TNPO3: variants seen among roughly 807,000 people sequenced by gnomAD.
TNPO3 encodes transportin-3.
Under a neutral mutation model 122.8 loss-of-function variants are expected in TNPO3, and 65 were observed. The observed-to-expected ratio is 0.53, with a 90% CI of 0.43 to 0.65. The LOEUF (loss-of-function observed/expected upper bound fraction) is 0.65. TNPO3 is among the 30% of genes least tolerant of loss of function. The pLI is 0.00. For missense variants in TNPO3, 850 were observed against 1,136.7 expected, an observed-to-expected ratio of 0.75 and a Z score of 3.63; for synonymous variants, 372 against 411.2, an observed-to-expected ratio of 0.90 and a Z score of 1.15.
At chr7:129,019,056 G>A (rs1804161096) in intron 1 of TNPO3, among the ~76,000 whole-genome samples, 1 of 152,144 alleles carries the variant, frequency 6.6e-6, no homozygotes, top group African/African-American at 2.4e-5. Context: ...ACTTGGCAAA[G>A]TGCTACACAT....
At chr7:128,963,734 G>A (rs954450462) in intron 21 of TNPO3, among the ~76,000 whole-genome samples, 2 of 152,330 alleles carry the variant, frequency 1.3e-5, no homozygotes, top group Non-Finnish European at 1.5e-5. Flanking sequence ...AGACATTCCA[G>A]AAGATGAGAA....
intron 1 of TNPO3, among the ~76,000 whole-genome samples, chr7:129,039,148 A>G (rs1437884652): frequency 6.6e-5 from 10 of 152,222 alleles, no homozygotes. Context: ...TCAAAAAGAC[A>G]GACAACAACA....
rs770975256 is a variant in TNPO3 at position 128,980,029 on chromosome 7, T to C, written c.1862A>G (p.His621Arg). Residue 621 changes from histidine (H) to arginine (R), a missense_variant and splice_region_variant, in exon 15 of 23, where the codon CAT (histidine) becomes CGT (arginine). By Grantham distance (29) the His-to-Arg change is conservative (BLOSUM62 0). Coordinates refer to ENST00000265388, the MANE Select transcript of TNPO3 (RefSeq NM_012470.4). ...FLDRLAVIFR[H>R]TNPIVENGQT... ...TCCATTTTCCACAATGGGATTGGTA[T>C]GCCTGGGAAAAGACAACAGCCCAAA... 1.2e-6 allele frequency: 2 copies of C among 1,614,096 alleles called. No homozygotes were observed. Among genetic ancestry groups the C allele is most frequent in the Non-Finnish European group, 1.7e-6 (2 of 1,179,966 alleles).
chr7:129,005,827 G>A (rs981884949), intron 4 of TNPO3, among the ~76,000 whole-genome samples: 1 of 148,614 alleles, frequency 6.7e-6, no homozygotes, highest in Non-Finnish European at 1.5e-5. Flanking sequence ...TGTTGCCCAG[G>A]CTGGAGTGCA....
At chr7:129,016,933 G>A (rs949833162) in intron 3 of TNPO3, 50 bp downstream of exon 3, 2 of 1,540,504 alleles carry the variant, frequency 1.3e-6, no homozygotes, top group Admixed American at 3.3e-5. Flanking sequence ...TCTCTGTGTA[G>A]GTTAATGGCA....
At chr7:128,963,472 G>A (rs1797659944) in intron 21 of TNPO3, among the ~76,000 whole-genome samples, 1 of 152,188 alleles carries the variant, frequency 6.6e-6, no homozygotes, top group African/African-American at 2.4e-5. Context: ...AAGATTCATA[G>A]TAAAAGCAAT....
At chr7:128,958,133 C>T (rs1294728903) in intron 21 of TNPO3, among the ~76,000 whole-genome samples, 2 of 121,096 alleles carry the variant, frequency 1.7e-5, no homozygotes, top group Non-Finnish European at 3.5e-5. Context: ...GAAGGAAGCA[C>T]TTCCTTTTTT....
chr7:128,961,860 C>T (rs1199669104), intron 21 of TNPO3, among the ~76,000 whole-genome samples: 1 of 152,112 alleles, frequency 6.6e-6, no homozygotes, highest in Admixed American at 6.5e-5. Context: ...ATCAATGCTT[C>T]CCATGTTCAA....
intron 14 of TNPO3, 113 bp downstream of exon 14, chr7:128,982,135 A>G: frequency 1.2e-6 from 1 of 855,396 alleles, no homozygotes; most frequent in East Asian, 2.8e-5. Flanking sequence ...ATTAGTCTCC[A>G]AACATAGGGA....
At chr7:128,991,949 C>A in intron 10 of TNPO3, 50 bp downstream of exon 10, 1 of 1,323,926 alleles carries the variant, frequency 7.6e-7, no homozygotes, top group Non-Finnish European at 1.1e-6. Flanking sequence ...TGTCATTTTC[C>A]TTCCTCTTGA....
rs1473366881 is a variant in TNPO3 at position 129,014,866 on chromosome 7, A to G, written c.552+113T>C. ...TAAGGTGTTACATAAATACCAAAGC[A>G]TCATCATTAAATTTTGCAAAGAAAG... On this transcript the variant is annotated intron_variant, in intron 4 of 22. Coordinates refer to ENST00000265388, the MANE Select transcript of TNPO3 (RefSeq NM_012470.4). The G allele has an allele frequency of 3.1e-5, 31 of 1,012,402 alleles. No individual in the cohort carries two copies. In the East Asian group the frequency reaches 6.7e-4, roughly 22 times the overall value. 62.7% of individuals were successfully genotyped at this position (1,012,402 alleles called of 1,614,324 possible).
At chr7:129,031,097 C>G (rs1584584822) in intron 1 of TNPO3, among the ~76,000 whole-genome samples, 1 of 152,090 alleles carries the variant, frequency 6.6e-6, no homozygotes, top group East Asian at 1.9e-4. Context: ...CCAGCCTGGC[C>G]AACACGTTGA....
At position 129,003,296 on chromosome 7, in the gene TNPO3, G is replaced by GTTTTTTTTTT. The variant is rs1299743179; in HGVS notation, c.696+1719_696+1720insAAAAAAAAAA. On this transcript the variant is annotated intron_variant, in intron 5 of 22. Coordinates refer to ENST00000265388, the MANE Select transcript of TNPO3 (RefSeq NM_012470.4). ...ATATATGAAGTATTTTAATTTTTAG[G>GTTTTTTTTTT]GTTTTTTTTTTTTTTTTTTTTTAAG... 9.3e-5 allele frequency among the ~76,000 whole-genome samples: 10 copies of GTTTTTTTTTT among 107,734 alleles called. 4 individuals carry two copies. The highest frequency in any genetic ancestry group is 1.1e-4 in the Non-Finnish European group (6 of 54,122). The allele number at this position is 107,734 out of a possible 152,430, so 70.7% of individuals were successfully genotyped here. A position where few individuals can be genotyped will look rare whatever the true frequency, so the allele number is the denominator to read the frequency against.
At chr7:128,987,703 C>A (rs1247555475) in intron 11 of TNPO3, among the ~76,000 whole-genome samples, 1 of 152,116 alleles carries the variant, frequency 6.6e-6, no homozygotes, top group Non-Finnish European at 1.5e-5. Flanking sequence ...GCCTTAGCCT[C>A]CTGAGTAGCT....
At chr7:128,968,133 G>C (rs1193842582) in intron 20 of TNPO3, among the ~76,000 whole-genome samples, 5 of 151,938 alleles carry the variant, frequency 3.3e-5, no homozygotes, top group Admixed American at 3.3e-4. Context: ...GAAAGAGCAG[G>C]GGCAAAAAGT....
intron 18 of TNPO3, among the ~76,000 whole-genome samples, chr7:128,973,735 CAAAAA>C (rs71162544): frequency 1.9e-4 from 1 of 5,270 alleles, no homozygotes; most frequent in Non-Finnish European, 2.8e-4. Context: ...GACTCCGTCT[CAAAAA>C]AAAAAAAAAA....
At chr7:128,996,612 G>A (rs1349878414) in intron 8 of TNPO3, among the ~76,000 whole-genome samples, 7 of 151,664 alleles carry the variant, frequency 4.6e-5, no homozygotes, top group Non-Finnish European at 1.0e-4. Flanking sequence ...GCATGGTGGC[G>A]GGTGCCTGTA....
chr7:128,975,100 G>A (rs1798922794), intron 17 of TNPO3, 138 bp from the exon 18 acceptor site: 2 of 669,822 alleles, frequency 3.0e-6, no homozygotes, highest in East Asian at 5.4e-5. Context: ...AGATTGTAAT[G>A]AGAATCTGAT....
chr7:129,054,485 TC>T (rs1809229542), intron 1 of TNPO3, among the ~76,000 whole-genome samples, 165 bp downstream of exon 1: 1 of 152,128 alleles, frequency 6.6e-6, no homozygotes, highest in African/African-American at 2.4e-5. Context: ...GCGACTAGTT[TC>T]CCAAAAGCGG....
Sources: gnomAD v4.1 joint callset for allele counts (sites outside exome capture counted in the v4.1 genomes callset) on GRCh38, gnomAD v4.1.1 for gene constraint, MANE v1.5 for transcripts, NCBI Gene and HGNC (gene_info 2026-07-23, HGNC 2026-07-21) for gene names.